The following KNDC1 variants were observed in gnomAD, a reference collection of about 807,000 sequenced individuals.
KNDC1 encodes kinase non-catalytic C-lobe domain containing 1.
KNDC1 carries 106 observed loss-of-function variants against 172.8 expected under a neutral mutation model. That is an observed-to-expected ratio of 0.61 (90% CI 0.52 to 0.72). The LOEUF is 0.72. Ranked by LOEUF, KNDC1 falls within the 30% of genes least tolerant of loss-of-function variation. KNDC1 has a pLI of 0.00. For synonymous variants in KNDC1, 1,083 were observed against 1,062.2 expected (o/e 1.02, Z -0.38); for missense variants, 2,325 against 2,394.5 (o/e 0.97, Z 0.61).
At position 133,211,676 on chromosome 10, in the gene KNDC1, TAGATC is replaced by T. The variant is rs1444257421; in HGVS notation, c.4057-2_4059del. ...ACCCCCCCACCACTGTGCTTCTGCC[TAGATC>T]CTACCCCTGGACGGCTCTGCCAAGC... is the stretch of plus-strand genomic sequence containing the variant. On this transcript the variant is annotated splice_acceptor_variant and coding_sequence_variant, in exon 23 of 30. Transcript: ENST00000304613. LOFTEE classifies it high-confidence loss of function. 7 of 1,595,520 alleles carry T rather than the reference TAGATC, an allele frequency of 4.4e-6. No homozygotes were observed. Among genetic ancestry groups the T allele is most frequent in the African/African-American group, 1.3e-5 (1 of 74,366 alleles).
At chr10:133,182,126 C>T (rs1039386302) in intron 3 of KNDC1, among the ~76,000 whole-genome samples, 22 of 152,218 alleles carry the variant, frequency 1.4e-4, no homozygotes, top group Admixed American at 1.0e-3. Context: ...GAGGGGGAGT[C>T]GGCCAGGATG....
intron 17 of KNDC1, among the ~76,000 whole-genome samples, chr10:133,205,662 CTTCT>C (rs935253913): frequency 1.3e-5 from 2 of 152,200 alleles, no homozygotes; most frequent in South Asian, 2.1e-4. Flanking sequence ...CATCATTGGG[CTTCT>C]TTAAGTTTAA....
chr10:133,197,565 C>A (rs979689710), intron 11 of KNDC1, 110 bp from the exon 12 acceptor site: 17 of 837,058 alleles, frequency 2.0e-5, no homozygotes, highest in Admixed American at 1.1e-4. Flanking sequence ...GGCTCCTCCC[C>A]AGCAGGAAGC....
At chr10:133,222,668 C>CGT (rs775416817) in intron 29 of KNDC1, among the ~76,000 whole-genome samples, 1 of 13,336 alleles carries the variant, frequency 7.5e-5, no homozygotes, top group East Asian at 1.5e-3. Flanking sequence ...CTCTTCCCGG[C>CGT]GTGTGTGTGT....
Position 133,199,531 on chromosome 10 carries a change from C to T in KNDC1, c.2832C>T (p.Asp944=). 1 of 1,613,904 alleles carries T rather than the reference C, an allele frequency of 6.2e-7. No homozygotes were observed. Among genetic ancestry groups the T allele is most frequent in the South Asian group, 1.1e-5 (1 of 91,088 alleles). ...GCGCCATTTCCGAGAAGTTCTGTGA[C>T]CTGTACTGGGATGAGAAGTTGCTGC... ...FCGAISEKFC[D]LYWDEKLLQN... is the part of the protein sequence containing the mutation. Residue 944 remains aspartate, a synonymous_variant, in exon 15 of 30, where the codon GAC becomes GAT. Coordinates refer to ENST00000304613, the MANE Select transcript of KNDC1 (RefSeq NM_152643.8).
At chr10:133,177,536 T>TGTG (rs1319352677) in intron 3 of KNDC1, among the ~76,000 whole-genome samples, 8 of 151,602 alleles carry the variant, frequency 5.3e-5, no homozygotes, top group Non-Finnish European at 1.0e-4. Context: ...ATGCACATAG[T>TGTG]GTGTGTCATG....
rs756762804 is a variant in KNDC1, at chr10:133,186,149, G to A, written c.801G>A (p.Val267=). Residue 267 remains valine, a synonymous_variant, in exon 6 of 30, where the codon GTG becomes GTA. Coordinates refer to ENST00000304613, the MANE Select transcript of KNDC1 (RefSeq NM_152643.8). ...CCAAGGCTCTGCTGTCCACCCCGGT[G>A]AGAAATGGCGAGAGCCACAGCCGGG... The part of the protein sequence containing the change: ...SPTKALLSTP[V]RNGESHSREG... The A allele has an allele frequency of 3.2e-6, 5 of 1,585,540 alleles. No individual in the cohort carries two copies. The highest frequency in any genetic ancestry group is 4.3e-6 in the Non-Finnish European group (5 of 1,165,988).
At chr10:133,201,924 G>A (rs755740845) in intron 17 of KNDC1, 26 bp downstream of exon 17, 13 of 1,517,778 alleles carry the variant, frequency 8.6e-6, no homozygotes, top group African/African-American at 2.8e-5. Context: ...TGGCACTGCC[G>A]GGTGGGGCAG....
chr10:133,178,732 G>A (rs1444610916), intron 3 of KNDC1: 1 of 152,294 alleles, frequency 6.6e-6, no homozygotes, highest in African/African-American at 2.4e-5. Flanking sequence ...TTGAAAACCT[G>A]GTGGTTTGTC....
intron 20 of KNDC1, 68 bp from the exon 21 acceptor site, chr10:133,210,543 C>G: frequency 1.1e-6 from 1 of 919,610 alleles, no homozygotes; most frequent in South Asian, 1.3e-5. Flanking sequence ...CACCCCACCA[C>G]CGAACACTAG....
rs746960196 is a variant in KNDC1, at chr10:133,183,425, C to G, written c.442C>G (p.Gln148Glu). The G allele has an allele frequency of 1.0e-5, 16 of 1,605,342 alleles. No homozygotes were observed. The highest frequency in any genetic ancestry group is 1.1e-5 in the Non-Finnish European group (13 of 1,177,736). ...GCCCACACTGGAACCCAGGCTGAGCCAAGACCTCGAGGCGCTGCTGAGCCG... is the reference window on the plus strand; with the variant it reads ...GCCCACACTGGAACCCAGGCTGAGCGAAGACCTCGAGGCGCTGCTGAGCCG... ...AEPTLEPRLS[Q>E]DLEALLSRMQ... is the part of the protein sequence containing the mutation. Residue 148 changes from glutamine (Q) to glutamate (E), a missense_variant, in exon 4 of 30, where the codon CAA becomes GAA. Physicochemically the swap from Gln to Glu is conservative, Grantham distance 29. Coordinates refer to ENST00000304613, the MANE Select transcript of KNDC1 (RefSeq NM_152643.8).
intron 1 of KNDC1, 184 bp from the exon 2 acceptor site, chr10:133,167,197 G>C: frequency 1.6e-6 from 1 of 623,944 alleles, no homozygotes; most frequent in South Asian, 2.0e-5. Context: ...CCGTGGCTCT[G>C]ACGTCCAGGG....
intron 1 of KNDC1, chr10:133,167,132 G>T (rs1215252133): frequency 3.7e-6 from 2 of 545,250 alleles, no homozygotes; most frequent in Admixed American, 3.1e-5. Context: ...CCGTGCCCAG[G>T]CTCCAGGAGC....
intron 28 of KNDC1, 45 bp downstream of exon 28, chr10:133,219,135 C>T: frequency 6.3e-7 from 1 of 1,593,084 alleles, no homozygotes; most frequent in Non-Finnish European, 8.6e-7. Flanking sequence ...CCCCCGAGGC[C>T]CTCTCCTAAA....
chr10:133,220,023 C>G lies in KNDC1; in HGVS notation c.4929C>G (p.Pro1643=). 1 of 1,555,032 alleles carries G rather than the reference C, an allele frequency of 6.4e-7. No homozygotes were observed. The stretch of plus-strand genomic sequence containing the variant: ...GCTTCCGGGCGCAGCCCACCCTGCC[C>G]TCGGCCCACCTCCTGGCCATGCACA... ...GRRFRAQPTL[P]SAHLLAMHIQ... The change falls in exon 29 of 30, where the codon CCC becomes CCG. Residue 1643 remains proline, a synonymous_variant. Coordinates refer to ENST00000304613, the MANE Select transcript of KNDC1 (RefSeq NM_152643.8).
At position 133,186,263 on chromosome 10, in the gene KNDC1, G is replaced by A. The variant is rs745901766; in HGVS notation, c.915G>A (p.Val305=). Residue 305 remains valine (V), a synonymous_variant, in exon 6 of 30, where the codon GTG becomes GTA. Transcript: ENST00000304613. The part of the protein sequence containing the change: ...DALRRSRLRK[V]QTFPRLLSDS... ...TCAGGAGAAGCCGCCTGCGGAAGGT[G>A]CAGACGTTCCCTAGGCTGCTGTCCG... The A allele has an allele frequency of 1.2e-6, 2 of 1,607,764 alleles. No homozygotes were observed. Among genetic ancestry groups the A allele is most frequent in the East Asian group, 2.2e-5 (1 of 44,794 alleles).
rs915690771 is a variant in KNDC1, at chr10:133,189,895, C to T, written c.1575+82C>T. On this transcript the variant is annotated intron_variant, in intron 9 of 29. Transcript: ENST00000304613. The stretch of plus-strand genomic sequence containing the variant: ...CGTCCCCCATCTGTCCAGCAGCCCC[C>T]CATCAGGACTCGAGGGAGTCAGGGC... 4.1e-5 allele frequency: 49 copies of T among 1,185,944 alleles called. No individual in the cohort carries two copies. The Middle Eastern group carries it at 1.3e-3, about 32-fold the overall frequency. 73.5% of individuals were successfully genotyped at this position (1,185,944 alleles called of 1,614,324 possible). A position where few individuals can be genotyped will look rare whatever the true frequency, so the allele number is the denominator to read the frequency against.
intron 17 of KNDC1, among the ~76,000 whole-genome samples, chr10:133,203,849 C>T (rs35829129): frequency 6.6e-6 from 1 of 152,232 alleles, no homozygotes. Context: ...GTGGTTCCCG[C>T]GTGAGGAGCG....
intron 9 of KNDC1, 152 bp from the exon 10 acceptor site, chr10:133,195,511 G>A (rs1293568181): frequency 1.4e-5 from 9 of 634,760 alleles, no homozygotes; most frequent in Non-Finnish European, 2.2e-5. Flanking sequence ...GTCCAGGGTG[G>A]GGCCTGATAG....
Sources: gnomAD v4.1 joint callset for allele counts (sites outside exome capture counted in the v4.1 genomes callset) on GRCh38, gnomAD v4.1.1 for gene constraint, MANE v1.5 for transcripts, NCBI Gene and HGNC (gene_info 2026-07-23, HGNC 2026-07-21) for gene names.